The following WDPCP variants were observed in gnomAD, a reference collection of about 807,000 sequenced individuals.
The protein encoded by WDPCP is WD repeat-containing and planar cell polarity effector protein fritz homolog.
WDPCP carries 71 observed loss-of-function variants against 93.1 expected under a neutral mutation model. That is an observed-to-expected ratio of 0.76 (90% CI 0.63 to 0.93). WDPCP has a LOEUF of 0.93. WDPCP is among the 40% of genes least tolerant of loss of function. The pLI is 0.00. For synonymous variants in WDPCP, 315 were observed against 315.0 expected, an observed-to-expected ratio of 1.00 and a Z score of 0.00; for missense variants, 844 against 887.4, an observed-to-expected ratio of 0.95 and a Z score of 0.62.
intron 1 of WDPCP, among the ~76,000 whole-genome samples, chr2:63,525,702 C>G (rs1432533322): frequency 6.6e-6 from 1 of 152,074 alleles, no homozygotes; most frequent in Non-Finnish European, 1.5e-5. Context: ...GGTCTCTTTC[C>G]TAGAGAGAAG....
chr2:63,620,728 G>A (rs1166305739), intron 3 of WDPCP, among the ~76,000 whole-genome samples: 2 of 152,162 alleles, frequency 1.3e-5, no homozygotes, highest in Non-Finnish European at 2.9e-5. Context: ...CTCCTGACTG[G>A]GAGACACCTC....
At chr2:63,720,236 C>T (rs957682570) in intron 2 of WDPCP, among the ~76,000 whole-genome samples, 4 of 151,672 alleles carry the variant, frequency 2.6e-5, no homozygotes, top group South Asian at 2.1e-4. Flanking sequence ...GGGTACATGG[C>T]GAAACCCCAT....
intron 14 of WDPCP, among the ~76,000 whole-genome samples, chr2:63,196,265 G>A (rs1196377326): frequency 6.6e-6 from 1 of 152,156 alleles, no homozygotes; most frequent in Admixed American, 6.5e-5. Context: ...TATGTACAAT[G>A]GACTGGGGAT....
chr2:63,480,513 G>A (rs1485302372), intron 6 of WDPCP, among the ~76,000 whole-genome samples: 2 of 152,110 alleles, frequency 1.3e-5, no homozygotes, highest in African/African-American at 2.4e-5. Context: ...TACCAAAACA[G>A]CGTAGTGCTG....
At chr2:63,708,019 A>T (rs1218107859) in intron 2 of WDPCP, among the ~76,000 whole-genome samples, 1 of 152,068 alleles carries the variant, frequency 6.6e-6, no homozygotes, top group African/African-American at 2.4e-5. Flanking sequence ...CAGCTGTATG[A>T]GGTGTCAGTC....
At chr2:63,826,205 G>C (rs1575783474) in intron 1 of WDPCP, among the ~76,000 whole-genome samples, 1 of 152,028 alleles carries the variant, frequency 6.6e-6, no homozygotes, top group East Asian at 1.9e-4. Flanking sequence ...CTTATAATAG[G>C]ATACAGGATA....
intron 12 of WDPCP, among the ~76,000 whole-genome samples, chr2:63,356,538 A>AAAAAATGT (rs1690032278): frequency 6.6e-6 from 1 of 152,194 alleles, no homozygotes; most frequent in Admixed American, 6.5e-5. Context: ...CATAATCCTC[A>AAAAAATGT]AAAAATGTAA....
At chr2:63,555,379 G>T (rs1333206669) in intron 1 of WDPCP, among the ~76,000 whole-genome samples, 1 of 145,128 alleles carries the variant, frequency 6.9e-6, no homozygotes, top group Non-Finnish European at 1.5e-5. Context: ...AGGCAGCCAT[G>T]ATCTCCGTAG....
At chr2:63,579,822 C>G (rs1482404718) in intron 1 of WDPCP, among the ~76,000 whole-genome samples, 1 of 151,968 alleles carries the variant, frequency 6.6e-6, no homozygotes, top group African/African-American at 2.4e-5. Context: ...GATGTCTACA[C>G]CAAATCTCAT....
At chr2:63,827,426 T>G (rs779937048) in intron 1 of WDPCP, among the ~76,000 whole-genome samples, 31 of 152,292 alleles carry the variant, frequency 2.0e-4, no homozygotes, top group Non-Finnish European at 3.8e-4. Flanking sequence ...ACATGTTGAT[T>G]GCATATTGGC....
At position 63,338,565 on chromosome 2, in the gene WDPCP, AAAAAATATATATATATATAT is replaced by A. The variant is rs1303784448; in HGVS notation, c.1749-25274_1749-25255del. Among the ~76,000 whole-genome samples the A allele has an allele frequency of 8.9e-3, 359 of 40,466 alleles. 24 individuals are homozygous for A. Among genetic ancestry groups the A allele is most frequent in the East Asian group, 0.016 (32 of 1,966 alleles). 26.5% of individuals were successfully genotyped at this position (40,466 alleles called of 152,430 possible). A position where few individuals can be genotyped will look rare whatever the true frequency, so the allele number is the denominator to read the frequency against. On this transcript the variant is annotated intron_variant, in intron 12 of 17. Transcript: ENST00000272321. ...AAAACTCCATCTAAAAAAAAAAAAA[AAAAAATATATATATATATAT>A]ATATATATATATATATATATATATA...
intron 14 of WDPCP, among the ~76,000 whole-genome samples, chr2:63,212,299 T>TG (rs1676891351): frequency 6.6e-6 from 1 of 151,832 alleles, no homozygotes; most frequent in Non-Finnish European, 1.5e-5. Context: ...CAGAAGAGAG[T>TG]GGGGGCCAAT....
intron 1 of WDPCP, among the ~76,000 whole-genome samples, chr2:63,555,833 A>C (rs1558801914): frequency 1.3e-5 from 2 of 152,182 alleles, no homozygotes; most frequent in South Asian, 2.1e-4. Context: ...AAAAGTCCCC[A>C]AAAAACCCCA....
chr2:63,561,750 G>A (rs1228069256), intron 1 of WDPCP, among the ~76,000 whole-genome samples: 5 of 152,158 alleles, frequency 3.3e-5, no homozygotes, highest in Non-Finnish European at 7.3e-5. Context: ...CATTTATGCA[G>A]CCAACAAACA....
chr2:63,492,248 A>C (rs888530263), intron 2 of WDPCP, among the ~76,000 whole-genome samples: 2 of 152,168 alleles, frequency 1.3e-5, no homozygotes, highest in African/African-American at 4.8e-5. Context: ...TTTCTTATAA[A>C]GTACACTGTA....
intron 2 of WDPCP, among the ~76,000 whole-genome samples, chr2:63,750,115 A>G: frequency 6.6e-6 from 1 of 152,132 alleles, no homozygotes; most frequent in East Asian, 1.9e-4. Context: ...AGAATGAGAT[A>G]TTATTGAAGA....
At chr2:63,682,477 T>C (rs747109754) in intron 2 of WDPCP, among the ~76,000 whole-genome samples, 5 of 150,516 alleles carry the variant, frequency 3.3e-5, no homozygotes, top group Non-Finnish European at 5.9e-5. Context: ...TATTTGAAAA[T>C]ACACAATCAG....
At chr2:63,469,338 C>T (rs1263411048) in intron 6 of WDPCP, among the ~76,000 whole-genome samples, 2 of 152,188 alleles carry the variant, frequency 1.3e-5, no homozygotes, top group Non-Finnish European at 2.9e-5. Context: ...CCTAGCAATC[C>T]CATTACTGGG....
At chr2:63,585,127 A>C (rs557275170) in intron 1 of WDPCP, among the ~76,000 whole-genome samples, 1 of 152,210 alleles carries the variant, frequency 6.6e-6, no homozygotes, top group Non-Finnish European at 1.5e-5. Context: ...GTATGTATAA[A>C]ATTGTAAGAC....
Sources: allele counts gnomAD v4.1 joint callset (sites outside exome capture counted in the v4.1 genomes callset), GRCh38; gene constraint gnomAD v4.1.1; transcripts MANE v1.5; gene names NCBI Gene and HGNC (gene_info 2026-07-23, HGNC 2026-07-21).